The following CNTN4 variants were observed in gnomAD, a reference collection of about 807,000 sequenced individuals.
The protein encoded by CNTN4 is contactin 4.
In CNTN4, 77 loss-of-function variants were observed where a neutral mutation model predicts 122.5. That is an observed-to-expected ratio of 0.63 (90% CI 0.52 to 0.76). CNTN4 has a LOEUF of 0.76. Ranked by LOEUF, CNTN4 falls within the 30% of genes least tolerant of loss-of-function variation. The probability of loss-of-function intolerance (pLI) is 0.00; values close to 1 mark genes in which losing one functional copy is unlikely to be tolerated. For missense variants in CNTN4, 1,256 were observed against 1,259.1 expected, an observed-to-expected ratio of 1.00 and a Z score of 0.04; for synonymous variants, 512 against 447.0, an observed-to-expected ratio of 1.15 and a Z score of -1.83.
rs112165094 is a variant in CNTN4 at position 3,055,218 on chromosome 3, T to G, written c.2981-902T>G. Among the ~76,000 whole-genome samples, 318 of 152,140 alleles carry G rather than the reference T, an allele frequency of 2.1e-3. 5 individuals carry two copies. The highest frequency in any genetic ancestry group is 7.0e-3 in the African/African-American group (292 of 41,496). ...AAAGGGAGCTAGATTTTTGGTGAGATGTGGAAGTAAAATCTCCAGGCCACA... is the reference window on the plus strand; with the variant it reads ...AAAGGGAGCTAGATTTTTGGTGAGAGGTGGAAGTAAAATCTCCAGGCCACA... On this transcript the variant is annotated intron_variant, in intron 24 of 24. Coordinates refer to ENST00000418658, the MANE Select transcript of CNTN4 (RefSeq NM_175607.3).
chr3:2,316,407 A>T (rs2043100078), intron 2 of CNTN4, among the ~76,000 whole-genome samples: 1 of 152,096 alleles, frequency 6.6e-6, no homozygotes, highest in Non-Finnish European at 1.5e-5. Flanking sequence ...CTGCAGAAAA[A>T]GTCCCAAATA....
intron 2 of CNTN4, among the ~76,000 whole-genome samples, chr3:2,227,254 A>G (rs1352576578): frequency 1.3e-5 from 2 of 152,218 alleles, no homozygotes; most frequent in East Asian, 3.8e-4. Flanking sequence ...CATTGTAAAT[A>G]CATTCAAGAA....
intron 5 of CNTN4, among the ~76,000 whole-genome samples, chr3:2,745,007 A>G (rs1353811765): frequency 1.3e-5 from 2 of 152,224 alleles, no homozygotes; most frequent in African/African-American, 4.8e-5. Context: ...ACAGCAGCTC[A>G]AGATCAATAG....
chr3:2,562,323 A>G (rs905791205), intron 3 of CNTN4, among the ~76,000 whole-genome samples: 8 of 152,082 alleles, frequency 5.3e-5, no homozygotes, highest in African/African-American at 1.9e-4. Context: ...AAATGACCCT[A>G]TCACCCAAGC....
chr3:2,779,790 A>G (rs2091494647), intron 6 of CNTN4, among the ~76,000 whole-genome samples: 1 of 152,202 alleles, frequency 6.6e-6, no homozygotes, highest in South Asian at 2.1e-4. Context: ...GGTGATTTGT[A>G]TGATTGTTAA....
chr3:2,671,837 G>C (rs1020090408), intron 4 of CNTN4, among the ~76,000 whole-genome samples: 1 of 152,218 alleles, frequency 6.6e-6, no homozygotes, highest in Non-Finnish European at 1.5e-5. Context: ...TCAGCTGCAG[G>C]TCTGTTGGAG....
chr3:2,264,262 A>G (rs2040953683), intron 2 of CNTN4, among the ~76,000 whole-genome samples: 1 of 152,072 alleles, frequency 6.6e-6, no homozygotes, highest in African/African-American at 2.4e-5. Flanking sequence ...CTTTCTCTGC[A>G]TTCTTGCCAG....
chr3:2,843,046 C>T (rs2093391835), intron 7 of CNTN4, among the ~76,000 whole-genome samples: 1 of 152,084 alleles, frequency 6.6e-6, no homozygotes, highest in African/African-American at 2.4e-5. Context: ...AGCCCCTCTC[C>T]CTCCTAAATA....
At chr3:2,682,188 AT>A (rs1304368208) in intron 4 of CNTN4, among the ~76,000 whole-genome samples, 1 of 152,234 alleles carries the variant, frequency 6.6e-6, no homozygotes, top group Non-Finnish European at 1.5e-5. Flanking sequence ...TCTAGAATAT[AT>A]AAATAACACT....
chr3:2,586,636 A>G (rs997730526), intron 4 of CNTN4, among the ~76,000 whole-genome samples: 2 of 152,038 alleles, frequency 1.3e-5, no homozygotes, highest in African/African-American at 4.8e-5. Context: ...GGAAACTCAA[A>G]CCATTTGTCC....
intron 4 of CNTN4, among the ~76,000 whole-genome samples, chr3:2,688,654 G>A (rs1459329406): frequency 1.3e-5 from 2 of 152,120 alleles, no homozygotes; most frequent in African/African-American, 2.4e-5. Flanking sequence ...CATCCAGCAA[G>A]GTTAACTCTT....
chr3:2,173,646 C>T (rs1048250148), intron 2 of CNTN4, among the ~76,000 whole-genome samples: 2 of 152,068 alleles, frequency 1.3e-5, no homozygotes, highest in African/African-American at 4.8e-5. Flanking sequence ...TAGAGAAAAT[C>T]TTTCGGATGT....
chr3:2,708,344 C>G (rs146011366), intron 4 of CNTN4, among the ~76,000 whole-genome samples: 50 of 152,182 alleles, frequency 3.3e-4, no homozygotes, highest in African/African-American at 1.0e-3. Context: ...TCATTTACAT[C>G]CAAATACGAC....
At position 2,326,375 on chromosome 3, in the gene CNTN4, C is replaced by G. The variant is rs374973188; in HGVS notation, c.-144-12803C>G. 9.9e-4 allele frequency among the ~76,000 whole-genome samples: 151 copies of G among 152,170 alleles called. 1 individual carries two copies. The highest frequency in any genetic ancestry group is 3.6e-3 in the African/African-American group (148 of 41,528). On this transcript the variant is annotated intron_variant, in intron 2 of 24. Coordinates refer to ENST00000418658, the MANE Select transcript of CNTN4 (RefSeq NM_175607.3). The stretch of plus-strand genomic sequence containing the variant: ...TGGGCCTCAGGCCTTTGAACTTGGA[C>G]TGGAAATAGACTGTCAGCTCTCCTG...
chr3:2,443,744 T>C (rs921079998), intron 3 of CNTN4, among the ~76,000 whole-genome samples: 5 of 152,122 alleles, frequency 3.3e-5, no homozygotes, highest in African/African-American at 1.2e-4. Flanking sequence ...AGTGCCTAGG[T>C]TAGTTCATCC....
At chr3:2,337,008 G>A (rs946533991) in intron 2 of CNTN4, among the ~76,000 whole-genome samples, 3 of 151,958 alleles carry the variant, frequency 2.0e-5, no homozygotes, top group Non-Finnish European at 4.4e-5. Context: ...GTTGAATCAC[G>A]TAGAACATAG....
At chr3:2,826,023 C>T (rs1047384382) in intron 7 of CNTN4, among the ~76,000 whole-genome samples, 6 of 152,012 alleles carry the variant, frequency 3.9e-5, no homozygotes, top group Admixed American at 6.6e-5. Context: ...TGAATCCTCA[C>T]AATAATCCCA....
chr3:2,351,506 C>A (rs1404736611), intron 3 of CNTN4, among the ~76,000 whole-genome samples: 1 of 152,098 alleles, frequency 6.6e-6, no homozygotes. Flanking sequence ...AAAAAGAGAA[C>A]AGAGTTCTCA....
intron 4 of CNTN4, among the ~76,000 whole-genome samples, chr3:2,689,428 A>T (rs2085608550): frequency 6.6e-6 from 1 of 152,114 alleles, no homozygotes; most frequent in Non-Finnish European, 1.5e-5. Context: ...TTTTGGCTCC[A>T]TGCAAATGCC....
Sources: gnomAD v4.1 joint callset for allele counts (sites outside exome capture counted in the v4.1 genomes callset) on GRCh38, gnomAD v4.1.1 for gene constraint, MANE v1.5 for transcripts, NCBI Gene and HGNC (gene_info 2026-07-23, HGNC 2026-07-21) for gene names.